The following FHOD3 variants were observed in gnomAD, a reference collection of about 807,000 sequenced individuals.
FHOD3 encodes the protein FH1/FH2 domain-containing protein 3.
FHOD3 carries 90 observed loss-of-function variants against 173.0 expected under a neutral mutation model. That is an observed-to-expected ratio of 0.52 (90% CI 0.44 to 0.62). FHOD3 has a LOEUF of 0.62. Among genes scored for constraint, FHOD3 ranks in the 20% least tolerant of loss-of-function variants. The pLI, the probability that FHOD3 is intolerant of heterozygous loss-of-function variation, is 0.00. For synonymous variants in FHOD3, 828 were observed against 823.0 expected, an observed-to-expected ratio of 1.01 and a Z score of -0.10; for missense variants, 1,945 against 2,034.7, an observed-to-expected ratio of 0.96 and a Z score of 0.85.
At chr18:36,695,875 A>G (rs2039254183) in intron 17 of FHOD3, among the ~76,000 whole-genome samples, 1 of 152,208 alleles carries the variant, frequency 6.6e-6, no homozygotes, top group African/African-American at 2.4e-5. Context: ...CAAATGTTCA[A>G]AAGTAACCTT....
intron 2 of FHOD3, among the ~76,000 whole-genome samples, chr18:36,366,346 A>G (rs1038904615): frequency 2.0e-5 from 3 of 152,182 alleles, no homozygotes; most frequent in Non-Finnish European, 4.4e-5. Flanking sequence ...ATTAAGACAA[A>G]TGGAACGAGG....
In FHOD3 at chr18:36,739,402, C is replaced by T. The variant is rs539424040; in HGVS notation, c.3577-1254C>T. 1.8e-3 allele frequency among the ~76,000 whole-genome samples: 279 copies of T among 152,352 alleles called. 3 individuals carry two copies. In the Middle Eastern group the frequency reaches 0.027, roughly 15 times the overall value. The stretch of plus-strand genomic sequence containing the variant: ...ATAAAAAATTTCAGTCTATCACCAC[C>T]AGCTTGCCCTTGAATTCTTTCCTGG... On this transcript the variant is annotated intron_variant, in intron 20 of 28. Coordinates refer to ENST00000590592, the MANE Select transcript of FHOD3 (RefSeq NM_001281740.3).
At chr18:36,694,976 GGTGTGT>G (rs34946996) in intron 17 of FHOD3, among the ~76,000 whole-genome samples, 55 of 149,244 alleles carry the variant, frequency 3.7e-4, no homozygotes, top group Admixed American at 8.0e-4. Context: ...TGTATACGTG[GGTGTGT>G]GTGTGTGTGT....
chr18:36,766,965 G>C (rs1158692544), intron 27 of FHOD3, among the ~76,000 whole-genome samples: 2 of 152,040 alleles, frequency 1.3e-5, no homozygotes, highest in Non-Finnish European at 2.9e-5. Context: ...GAAATTGCGG[G>C]GTAAAACACA....
chr18:36,410,509 C>T (rs961337240), intron 3 of FHOD3, among the ~76,000 whole-genome samples: 2 of 152,098 alleles, frequency 1.3e-5, no homozygotes, highest in Admixed American at 1.3e-4. Context: ...AGGCATGTAC[C>T]TAGAATGGGA....
chr18:36,564,140 C>G (rs1036581435), intron 5 of FHOD3, among the ~76,000 whole-genome samples: 6 of 152,152 alleles, frequency 3.9e-5, no homozygotes, highest in African/African-American at 1.4e-4. Flanking sequence ...ACAGTCCAGC[C>G]ACTGCTGACC....
chr18:36,638,518 C>G (rs966847916), intron 10 of FHOD3, among the ~76,000 whole-genome samples: 1 of 152,030 alleles, frequency 6.6e-6, no homozygotes, highest in African/African-American at 2.4e-5. Context: ...TGGTGGGGAT[C>G]GGATTGGAGG....
chr18:36,349,110 G>A (rs2045998356), intron 1 of FHOD3, among the ~76,000 whole-genome samples: 1 of 152,158 alleles, frequency 6.6e-6, no homozygotes, highest in African/African-American at 2.4e-5. Flanking sequence ...TATCATGTGG[G>A]TCATCTGGAG....
chr18:36,570,121 G>C (rs2058402207), intron 5 of FHOD3, among the ~76,000 whole-genome samples: 1 of 151,948 alleles, frequency 6.6e-6, no homozygotes, highest in African/African-American at 2.4e-5. Context: ...AGCTGATTCT[G>C]TGAAAAGAAA....
chr18:36,302,322 G>T (rs1382180448), intron 1 of FHOD3, among the ~76,000 whole-genome samples: 1 of 152,128 alleles, frequency 6.6e-6, no homozygotes, highest in African/African-American at 2.4e-5. Context: ...ATAGAATCTA[G>T]CTACTCCAAG....
chr18:36,521,505 T>G (rs976329357), intron 5 of FHOD3, among the ~76,000 whole-genome samples: 1 of 152,168 alleles, frequency 6.6e-6, no homozygotes, highest in South Asian at 2.1e-4. Context: ...CCCCTTTCTC[T>G]CATTCATTCT....
At chr18:36,450,818 A>C (rs1263228237) in intron 3 of FHOD3, among the ~76,000 whole-genome samples, 1 of 152,046 alleles carries the variant, frequency 6.6e-6, no homozygotes, top group African/African-American at 2.4e-5. Flanking sequence ...CAAACAAAAA[A>C]CCAAAAACAA....
At chr18:36,678,655 A>G (rs894650118) in intron 14 of FHOD3, among the ~76,000 whole-genome samples, 1 of 151,652 alleles carries the variant, frequency 6.6e-6, no homozygotes, top group Non-Finnish European at 1.5e-5. Flanking sequence ...ATTACTAAGC[A>G]TAGTAAAGGG....
chr18:36,468,029 C>G (rs1187333459), intron 3 of FHOD3, among the ~76,000 whole-genome samples: 1 of 152,200 alleles, frequency 6.6e-6, no homozygotes, highest in African/African-American at 2.4e-5. Context: ...TGGGTGGCCC[C>G]TGGGGTTCCC....
intron 10 of FHOD3, among the ~76,000 whole-genome samples, chr18:36,641,952 C>CAA (rs11379735): frequency 1.4e-3 from 193 of 137,138 alleles, no homozygotes; most frequent in South Asian, 3.0e-3. Context: ...AACTCGGTCT[C>CAA]AAAAAAAAAA....
At chr18:36,321,158 G>A (rs2044373249) in intron 1 of FHOD3, among the ~76,000 whole-genome samples, 1 of 151,260 alleles carries the variant, frequency 6.6e-6, no homozygotes, top group Non-Finnish European at 1.5e-5. Context: ...ACACAGAAAT[G>A]TTTCCAACAG....
intron 25 of FHOD3, 95 bp downstream of exon 25, chr18:36,755,406 T>A (rs1230287699): frequency 6.6e-6 from 2 of 304,716 alleles, no homozygotes; most frequent in Non-Finnish European, 8.6e-6. Flanking sequence ...GCTTTTTTTT[T>A]TTTTTTTTTT....
chr18:36,688,129 A>C (rs2038745367), intron 16 of FHOD3, among the ~76,000 whole-genome samples: 1 of 152,240 alleles, frequency 6.6e-6, no homozygotes, highest in African/African-American at 2.4e-5. Flanking sequence ...AAATGCAGAG[A>C]AACAGTGGAA....
chr18:36,386,756 G>A (rs62084159), intron 3 of FHOD3, among the ~76,000 whole-genome samples: 1 of 152,180 alleles, frequency 6.6e-6, no homozygotes, highest in Non-Finnish European at 1.5e-5. Flanking sequence ...TGTCCCCAGG[G>A]TTTGAGGTTC....
Sources: allele counts gnomAD v4.1 joint callset (sites outside exome capture counted in the v4.1 genomes callset), GRCh38; gene constraint gnomAD v4.1.1; transcripts MANE v1.5; gene names NCBI Gene and HGNC (gene_info 2026-07-23, HGNC 2026-07-21).